The following CDKAL1 variants were observed in gnomAD, a reference collection of about 807,000 sequenced individuals.
The protein encoded by CDKAL1 is CDKAL1 threonylcarbamoyladenosine tRNA methylthiotransferase, also known as threonylcarbamoyladenosine tRNA methylthiotransferase.
In CDKAL1, 32 loss-of-function variants were observed where a neutral mutation model predicts 68.2. The observed-to-expected ratio is 0.47, with a 90% CI of 0.35 to 0.63. The LOEUF (loss-of-function observed/expected upper bound fraction) is 0.63. Ranked by LOEUF, CDKAL1 falls within the 30% of genes least tolerant of loss-of-function variation. The pLI is 0.00. For missense variants in CDKAL1, 606 were observed against 696.7 expected (o/e 0.87, Z 1.47); for synonymous variants, 234 against 244.3 (o/e 0.96, Z 0.39).
intron 10 of CDKAL1, among the ~76,000 whole-genome samples, chr6:20,999,772 A>T (rs1767334613): frequency 1.3e-5 from 2 of 151,560 alleles, no homozygotes; most frequent in African/African-American, 4.9e-5. Context: ...TATTTGTATT[A>T]AAAAATGTGT....
intron 4 of CDKAL1, among the ~76,000 whole-genome samples, chr6:20,583,793 C>CA (rs1554156914): frequency 2.6e-4 from 39 of 150,644 alleles, no homozygotes; most frequent in African/African-American, 8.5e-4. Context: ...CGCCCCCCCC[C>CA]ACTAGTTTCA....
At chr6:20,828,300 C>T (rs1227982526) in intron 8 of CDKAL1, among the ~76,000 whole-genome samples, 1 of 152,088 alleles carries the variant, frequency 6.6e-6, no homozygotes, top group Non-Finnish European at 1.5e-5. Context: ...ACAATCTCGG[C>T]TCATTGCAAC....
chr6:21,033,892 A>G (rs923972475), intron 11 of CDKAL1, among the ~76,000 whole-genome samples: 1 of 152,170 alleles, frequency 6.6e-6, no homozygotes, highest in African/African-American at 2.4e-5. Context: ...TGGATTTGCC[A>G]GTGATGAAAT....
At chr6:20,934,445 T>C (rs982854966) in intron 9 of CDKAL1, among the ~76,000 whole-genome samples, 1 of 152,182 alleles carries the variant, frequency 6.6e-6, no homozygotes, top group Non-Finnish European at 1.5e-5. Context: ...CAACAGATCA[T>C]TTTCTGCAGA....
chr6:20,596,025 T>C (rs1245109691), intron 4 of CDKAL1, among the ~76,000 whole-genome samples: 1 of 152,222 alleles, frequency 6.6e-6, no homozygotes, highest in African/African-American at 2.4e-5. Flanking sequence ...CAAAGATTGC[T>C]GCCTGTTACT....
At chr6:20,948,824 T>C (rs1238499775) in intron 9 of CDKAL1, among the ~76,000 whole-genome samples, 5 of 152,248 alleles carry the variant, frequency 3.3e-5, no homozygotes, top group Non-Finnish European at 7.3e-5. Flanking sequence ...TTGAGGCTTA[T>C]TACAGATTTT....
At chr6:20,663,855 A>G (rs1300789948) in intron 5 of CDKAL1, among the ~76,000 whole-genome samples, 1 of 152,124 alleles carries the variant, frequency 6.6e-6, no homozygotes, top group Non-Finnish European at 1.5e-5. Context: ...AGTTAAACTC[A>G]TTTTATAATT....
rs558680396 is a variant in CDKAL1, at chr6:20,667,626, A to AT, written c.371+18255dup. On this transcript the variant is annotated intron_variant, in intron 5 of 15. Transcript: ENST00000274695. The stretch of plus-strand genomic sequence containing the variant: ...ACTAAGTACTTCGTATTTTTTCCTT[A>AT]TTTTTTCTCTTCTGCCACGTTCAAT... Among the ~76,000 whole-genome samples, 554 of 151,932 alleles carry AT rather than the reference A, an allele frequency of 3.6e-3. 8 individuals are homozygous for AT. Among genetic ancestry groups the AT allele is most frequent in the Non-Finnish European group, 9.9e-4 (67 of 67,924 alleles).
intron 13 of CDKAL1, among the ~76,000 whole-genome samples, chr6:21,130,163 C>G (rs1014736117): frequency 6.7e-6 from 1 of 150,012 alleles, no homozygotes; most frequent in Admixed American, 6.6e-5. Context: ...CCTTTTTTTC[C>G]AAGTATTCTG....
intron 7 of CDKAL1, among the ~76,000 whole-genome samples, chr6:20,766,026 C>T (rs926682140): frequency 1.3e-5 from 2 of 152,092 alleles, no homozygotes; most frequent in South Asian, 4.2e-4. Flanking sequence ...TATTTTTAGC[C>T]ATTAAGGCTT....
chr6:21,102,551 C>T (rs372353414), intron 12 of CDKAL1, among the ~76,000 whole-genome samples: 10 of 152,236 alleles, frequency 6.6e-5, no homozygotes, highest in South Asian at 2.1e-4. Context: ...TCTTCACCAA[C>T]GACCCCTTGA....
chr6:20,649,271 T>C, intron 4 of CDKAL1, 22 bp from the exon 5 acceptor site: 1 of 1,545,526 alleles, frequency 6.5e-7, no homozygotes. Context: ...TTACTTCTTT[T>C]TTGTGTTCAT....
At chr6:21,195,312 G>T (rs1044621644) in intron 13 of CDKAL1, among the ~76,000 whole-genome samples, 34 of 151,402 alleles carry the variant, frequency 2.2e-4, no homozygotes, top group African/African-American at 8.0e-4. Flanking sequence ...ACAGGCACAT[G>T]TCACCATGCC....
chr6:21,094,356 A>G (rs1398001414), intron 12 of CDKAL1, among the ~76,000 whole-genome samples: 1 of 152,224 alleles, frequency 6.6e-6, no homozygotes, highest in Non-Finnish European at 1.5e-5. Flanking sequence ...GAAATGGGAA[A>G]GGGAAGCTGG....
intron 10 of CDKAL1, among the ~76,000 whole-genome samples, 195 bp downstream of exon 10, chr6:20,955,780 A>G (rs1396301809): frequency 6.6e-6 from 1 of 152,074 alleles, no homozygotes; most frequent in Non-Finnish European, 1.5e-5. Flanking sequence ...CTTCCTCATC[A>G]TTAATTAACA....
intron 9 of CDKAL1, among the ~76,000 whole-genome samples, chr6:20,937,257 T>G (rs2150688273): frequency 6.6e-6 from 1 of 152,280 alleles, no homozygotes; most frequent in African/African-American, 2.4e-5. Context: ...GCTAATTTAT[T>G]TGTATTTTTT....
At position 21,056,111 on chromosome 6, in the gene CDKAL1, T is replaced by C. The variant is rs570415859; in HGVS notation, c.1056-8937T>C. Among the ~76,000 whole-genome samples, 16 of 152,356 alleles carry C rather than the reference T, an allele frequency of 1.1e-4. No homozygotes were observed. The East Asian group carries it at 3.1e-3, about 29-fold the overall frequency. ...TCATTGTGGTTTTGATTTGCATTTCTCTAATGATCCGTGATGTTGAGCTTT... is the reference window on the plus strand; with the variant it reads ...TCATTGTGGTTTTGATTTGCATTTCCCTAATGATCCGTGATGTTGAGCTTT... On this transcript the variant is annotated intron_variant, in intron 11 of 15. Coordinates refer to ENST00000274695, the MANE Select transcript of CDKAL1 (RefSeq NM_017774.3).
chr6:20,888,964 T>C (rs1413656538), intron 9 of CDKAL1, among the ~76,000 whole-genome samples: 1 of 152,232 alleles, frequency 6.6e-6, no homozygotes, highest in Admixed American at 6.5e-5. Context: ...GCACAATGGT[T>C]GAACTAGTTT....
At chr6:20,876,627 A>C (rs1175197413) in intron 9 of CDKAL1, among the ~76,000 whole-genome samples, 3 of 152,194 alleles carry the variant, frequency 2.0e-5, no homozygotes, top group African/African-American at 7.2e-5. Flanking sequence ...CTTGGAAAGA[A>C]TATGAATTTT....
Sources: gnomAD v4.1 joint callset for allele counts (sites outside exome capture counted in the v4.1 genomes callset) on GRCh38, gnomAD v4.1.1 for gene constraint, MANE v1.5 for transcripts, NCBI Gene and HGNC (gene_info 2026-07-23, HGNC 2026-07-21) for gene names.